Variants in NDST3 observed in about 807,000 individuals in gnomAD.
The protein encoded by NDST3 is bifunctional heparan sulfate N-deacetylase/N-sulfotransferase 3.
NDST3 carries 58 observed loss-of-function variants against 96.1 expected under a neutral mutation model. The ratio of observed to expected loss-of-function variants is 0.60; its 90% CI spans 0.49 to 0.75. The LOEUF (loss-of-function observed/expected upper bound fraction) is 0.75, where lower values mean the gene tolerates loss of function less well. Among genes scored for constraint, NDST3 ranks in the 30% least tolerant of loss-of-function variants. The pLI is 0.00. For missense variants in NDST3, 788 were observed against 1,034.2 expected, an observed-to-expected ratio of 0.76 and a Z score of 3.27; for synonymous variants, 333 against 359.7, an observed-to-expected ratio of 0.93 and a Z score of 0.84.
At chr4:118,058,336 G>A (rs1725600086) in intron 2 of NDST3, among the ~76,000 whole-genome samples, 1 of 149,122 alleles carries the variant, frequency 6.7e-6, no homozygotes, top group Non-Finnish European at 1.5e-5. Context: ...CCACCTAGAT[G>A]TTGAATAATA....
chr4:118,063,214 T>G (rs1379844155), intron 2 of NDST3, among the ~76,000 whole-genome samples: 1 of 146,026 alleles, frequency 6.8e-6, no homozygotes, highest in African/African-American at 2.5e-5. Context: ...AAAGGTCTGA[T>G]GCAATGAATC....
At chr4:118,168,402 ATAAG>A (rs1326532149) in intron 6 of NDST3, among the ~76,000 whole-genome samples, 2 of 152,070 alleles carry the variant, frequency 1.3e-5, no homozygotes, top group Non-Finnish European at 2.9e-5. Flanking sequence ...ATATATAAAT[ATAAG>A]TAAGTGCTAG....
chr4:118,051,820 C>G (rs960243970), intron 1 of NDST3, among the ~76,000 whole-genome samples: 1 of 151,810 alleles, frequency 6.6e-6, no homozygotes, highest in South Asian at 2.1e-4. Flanking sequence ...AAATGCAAAT[C>G]AACACCACAG....
intron 2 of NDST3, among the ~76,000 whole-genome samples, chr4:118,095,111 G>A (rs1578627293): frequency 6.6e-6 from 1 of 151,788 alleles, no homozygotes; most frequent in South Asian, 2.1e-4. Flanking sequence ...AGTGGTCAAG[G>A]AAAGCCTCAC....
At chr4:118,241,430 G>C (rs1472807871) in intron 11 of NDST3, among the ~76,000 whole-genome samples, 1 of 152,198 alleles carries the variant, frequency 6.6e-6, no homozygotes, top group Non-Finnish European at 1.5e-5. Context: ...GACAAGACCT[G>C]CTTTGCAGGC....
At chr4:118,063,416 A>T (rs950084525) in intron 2 of NDST3, among the ~76,000 whole-genome samples, 1 of 152,186 alleles carries the variant, frequency 6.6e-6, no homozygotes, top group Non-Finnish European at 1.5e-5. Context: ...TTCAAAGGAT[A>T]TGCTGATGAA....
chr4:118,219,073 T>C lies in NDST3; in HGVS notation c.1540-5418T>C, dbSNP rs1221531847. On this transcript the variant is annotated intron_variant, in intron 6 of 13. Transcript: ENST00000296499. ...CAAATGGAAAAACATTCCATCCTCA[T>C]GGATAGGAAGAATCAATATCATTAA... 1.3e-5 allele frequency among the ~76,000 whole-genome samples: 2 copies of C among 152,138 alleles called. 1 individual carries two copies. The highest frequency in any genetic ancestry group is 4.8e-5 in the African/African-American group (2 of 41,426).
At chr4:118,211,117 G>C (rs901595554) in intron 6 of NDST3, among the ~76,000 whole-genome samples, 3 of 152,168 alleles carry the variant, frequency 2.0e-5, no homozygotes, top group African/African-American at 7.2e-5. Context: ...AGGAGGATGA[G>C]AGGAGCAGAT....
In NDST3 at chr4:118,054,162, A is replaced by G; in HGVS notation, c.252A>G (p.Val84=). Residue 84 remains valine (V), a synonymous_variant, in exon 2 of 14, where the codon GTA becomes GTG. Transcript: ENST00000296499. ...SRTDPTVLVF[V]ESQYSSLGQD... ...CAGACCCCACAGTCCTAGTATTTGT[A>G]GAGAGCCAGTACTCATCTCTTGGTC... The G allele has an allele frequency of 6.2e-7, 1 of 1,613,122 alleles. No individual in the cohort carries two copies. The highest frequency in any genetic ancestry group is 8.5e-7 in the Non-Finnish European group (1 of 1,179,404).
chr4:118,198,888 CTT>C (rs1737877935), intron 6 of NDST3, among the ~76,000 whole-genome samples: 1 of 152,118 alleles, frequency 6.6e-6, no homozygotes, highest in African/African-American at 2.4e-5. Flanking sequence ...TCCACTCTCT[CTT>C]GGCCTGTAAG....
At chr4:118,205,891 GCC>G (rs1738408964) in intron 6 of NDST3, among the ~76,000 whole-genome samples, 1 of 134,342 alleles carries the variant, frequency 7.4e-6, no homozygotes, top group Non-Finnish European at 1.6e-5. Flanking sequence ...GGAGTGCAGT[GCC>G]GCGATCTCGG....
chr4:118,185,523 AAAAACCTT>A (rs1465351991), intron 6 of NDST3, among the ~76,000 whole-genome samples: 1 of 151,510 alleles, frequency 6.6e-6, no homozygotes, highest in Non-Finnish European at 1.5e-5. Flanking sequence ...TCATTAAAAG[AAAAACCTT>A]AGACAAATTA....
At chr4:118,163,503 A>G (rs1339315336) in intron 6 of NDST3, among the ~76,000 whole-genome samples, 3 of 152,096 alleles carry the variant, frequency 2.0e-5, no homozygotes, top group Non-Finnish European at 4.4e-5. Context: ...TCGCAAGAAC[A>G]AAAAACCAAA....
chr4:118,068,738 G>T (rs1234100285), intron 2 of NDST3, among the ~76,000 whole-genome samples: 1 of 151,940 alleles, frequency 6.6e-6, no homozygotes, highest in South Asian at 2.1e-4. Context: ...ATGAAGACCT[G>T]GGTCCTATTA....
At chr4:118,192,308 T>C (rs899333467) in intron 6 of NDST3, among the ~76,000 whole-genome samples, 1 of 152,186 alleles carries the variant, frequency 6.6e-6, no homozygotes, top group Admixed American at 6.5e-5. Flanking sequence ...CATTTGTCTA[T>C]TTTTGGTTGG....
At chr4:118,200,370 T>C (rs948356860) in intron 6 of NDST3, among the ~76,000 whole-genome samples, 8 of 152,152 alleles carry the variant, frequency 5.3e-5, no homozygotes, top group African/African-American at 1.2e-4. Context: ...ACTACCACCA[T>C]GTTCCCTTTA....
At chr4:118,136,496 G>T (rs1290156890) in intron 4 of NDST3, among the ~76,000 whole-genome samples, 1 of 152,102 alleles carries the variant, frequency 6.6e-6, no homozygotes. Context: ...TTAAAAACCA[G>T]TACGAAAAAA....
At chr4:118,147,741 T>G (rs1309969020) in intron 6 of NDST3, among the ~76,000 whole-genome samples, 1 of 152,210 alleles carries the variant, frequency 6.6e-6, no homozygotes, top group Non-Finnish European at 1.5e-5. Flanking sequence ...AGTTCCGGCT[T>G]AGACAGGTTT....
chr4:118,170,870 G>A (rs1361930116), intron 6 of NDST3, among the ~76,000 whole-genome samples: 3 of 152,180 alleles, frequency 2.0e-5, no homozygotes, highest in Non-Finnish European at 2.9e-5. Flanking sequence ...TGAAGAGAAA[G>A]TAAAATATAA....
Sources: gnomAD v4.1 joint callset for allele counts (sites outside exome capture counted in the v4.1 genomes callset) on GRCh38, gnomAD v4.1.1 for gene constraint, MANE v1.5 for transcripts, NCBI Gene and HGNC (gene_info 2026-07-23, HGNC 2026-07-21) for gene names.